Variants in KCTD21 observed in about 807,000 individuals in gnomAD.
KCTD21 encodes potassium channel tetramerization domain containing 21.
KCTD21 carries 9 observed loss-of-function variants against 13.2 expected under a neutral mutation model. The observed-to-expected ratio is 0.68, with a 90% CI of 0.41 to 1.19. KCTD21 has a LOEUF of 1.19. Ranked by LOEUF, KCTD21 falls within the 50% of genes most tolerant of loss-of-function variation. The probability of loss-of-function intolerance (pLI) is 0.01; values close to 1 mark genes in which losing one functional copy is unlikely to be tolerated. For synonymous variants in KCTD21, 142 were observed against 137.4 expected (o/e 1.03, Z -0.23); for missense variants, 303 against 336.5 (o/e 0.90, Z 0.78).
intron 1 of KCTD21, among the ~76,000 whole-genome samples, chr11:78,177,334 G>T (rs975872556): frequency 6.6e-6 from 1 of 152,228 alleles, no homozygotes; most frequent in African/African-American, 2.4e-5. Context: ...GAGGAGAAAT[G>T]AGTCCATGTG....
At chr11:78,188,548 G>A in intron 1 of KCTD21, 25 bp downstream of exon 1, 3 of 985,410 alleles carry the variant, frequency 3.0e-6, no homozygotes, top group Non-Finnish European at 3.6e-6. Flanking sequence ...CCCGAGCCCC[G>A]CGACCCCGGC....
At chr11:78,187,607 C>A in intron 1 of KCTD21, 1 of 985,432 alleles carries the variant, frequency 1.0e-6, no homozygotes, top group South Asian at 4.7e-5. Context: ...TTTCCTCCGG[C>A]ACCAGCACCC....
At chr11:78,187,374 T>C (rs1245157123) in intron 1 of KCTD21, 13 of 984,968 alleles carry the variant, frequency 1.3e-5, no homozygotes, top group Non-Finnish European at 1.6e-5. Flanking sequence ...TCACAACCCA[T>C]AGGGAGGAGA....
chr11:78,187,485 G>A (rs1407348765), intron 1 of KCTD21: 13 of 985,228 alleles, frequency 1.3e-5, no homozygotes, highest in East Asian at 2.3e-4. Context: ...AATCTGGCAC[G>A]GCAAGGTATT....
At chr11:78,180,453 G>A (rs1324152006) in intron 1 of KCTD21, among the ~76,000 whole-genome samples, 2 of 152,228 alleles carry the variant, frequency 1.3e-5, no homozygotes, top group African/African-American at 4.8e-5. Context: ...TTGAGGCCAG[G>A]AGTTCAAGAA....
intron 1 of KCTD21, 82 bp downstream of exon 1, chr11:78,188,491 A>G (rs1264331818): frequency 3.0e-6 from 3 of 984,780 alleles, no homozygotes; most frequent in Non-Finnish European, 3.6e-6. Context: ...GATTAGTCTC[A>G]TGGTAAGACA....
intron 1 of KCTD21, among the ~76,000 whole-genome samples, chr11:78,182,437 A>G (rs1862656237): frequency 6.6e-6 from 1 of 152,214 alleles, no homozygotes; most frequent in Admixed American, 6.5e-5. Context: ...GTATTTGAAT[A>G]AGACATCTTA....
intron 1 of KCTD21, among the ~76,000 whole-genome samples, chr11:78,186,391 A>G (rs972749335): frequency 2.8e-5 from 4 of 143,720 alleles, no homozygotes; most frequent in Non-Finnish European, 4.6e-5. Context: ...AAAAAAAAAA[A>G]AAAAAAAAAA....
chr11:78,187,484 C>A (rs1862819835), intron 1 of KCTD21: 13 of 985,274 alleles, frequency 1.3e-5, no homozygotes, highest in Non-Finnish European at 1.4e-5. Context: ...GAATCTGGCA[C>A]GGCAAGGTAT....
At chr11:78,174,617 C>T (rs1307067493) in intron 1 of KCTD21, 34 bp from the exon 2 acceptor site, 1 of 1,453,872 alleles carries the variant, frequency 6.9e-7, no homozygotes, top group Non-Finnish European at 9.3e-7. Context: ...ATGACTATAA[C>T]CAAACCTTAT....
At position 78,187,803 on chromosome 11, in the gene KCTD21, T is replaced by C. The variant is rs147733975; in HGVS notation, c.-30+770A>G. On this transcript the variant is annotated intron_variant, in intron 1 of 1. Coordinates refer to ENST00000340067, the MANE Select transcript of KCTD21 (RefSeq NM_001029859.3). ...GAAGGTCGGGGCATCAAAACTTTTC[T>C]TTCCTGCCTCCCACGCCAAGCTAAA... 503 of 985,438 alleles carry C rather than the reference T, an allele frequency of 5.1e-4. 2 individuals carry two copies. The African/African-American group carries it at 8.2e-3, about 16-fold the overall frequency. The allele number at this position is 985,438 out of a possible 1,614,324, so 61.0% of individuals were successfully genotyped here.
chr11:78,180,408 C>T (rs1862579964), intron 1 of KCTD21, among the ~76,000 whole-genome samples: 2 of 152,226 alleles, frequency 1.3e-5, no homozygotes, highest in African/African-American at 4.8e-5. Context: ...TGCCTGTAAT[C>T]CCAGCACTTT....
Position 78,174,621 on chromosome 11 carries a change from A to G in KCTD21, c.-29-38T>C, listed in dbSNP as rs866898367. ...AGAAGTGAGAAATGACTATAACCAA[A>G]CCTTATCAGAGAACTCACAGTCCTT... is the stretch of plus-strand genomic sequence containing the variant. On this transcript the variant is annotated intron_variant, in intron 1 of 1. Transcript: ENST00000340067. 2.2e-5 allele frequency: 31 copies of G among 1,417,304 alleles called. No homozygotes were observed. The Middle Eastern group carries it at 1.3e-3, about 62-fold the overall frequency. The allele number at this position is 1,417,304 out of a possible 1,614,324, so 87.8% of individuals were successfully genotyped here. A position where few individuals can be genotyped will look rare whatever the true frequency, so the allele number is the denominator to read the frequency against.
intron 1 of KCTD21, chr11:78,177,133 C>A (rs1048736806): frequency 6.6e-6 from 1 of 152,346 alleles, no homozygotes; most frequent in African/African-American, 2.4e-5. Context: ...CTCAACATTT[C>A]TGCCTCCTGA....
chr11:78,172,419 T>A lies in KCTD21; in HGVS notation c.*1353A>T, dbSNP rs1299286390. Reference sequence around the variant, plus strand: ...TCTGGATCTCCTCAGGGGCCGTGAATCTTCCTCTTCCAGCAGAAAATGGTC... The same window carrying A: ...TCTGGATCTCCTCAGGGGCCGTGAAACTTCCTCTTCCAGCAGAAAATGGTC... On this transcript the variant is annotated 3_prime_UTR_variant, in exon 2 of 2. Transcript: ENST00000340067. The A allele has an allele frequency of 6.6e-6, 1 of 152,204 alleles. No homozygotes were observed. The highest frequency in any genetic ancestry group is 1.5e-5 in the Non-Finnish European group (1 of 68,086). The allele number at this position is 152,204 out of a possible 1,614,324, so 9.4% of individuals were successfully genotyped here.
In KCTD21 at chr11:78,186,371, C is replaced by CAAAAAAAAAAAAAA. The variant is rs57748403; in HGVS notation, c.-30+2188_-30+2201dup. Reference sequence around the variant, plus strand: ...TGGGCAACAGAGTAAGACCCTGTCTCAAAAAAAAAAAAAAAAAAAAAAAAA... The same window carrying CAAAAAAAAAAAAAA: ...TGGGCAACAGAGTAAGACCCTGTCTCAAAAAAAAAAAAAAAAAAAAAAAAAAAAAAAAAAAAAAA... On this transcript the variant is annotated intron_variant, in intron 1 of 1. Coordinates refer to ENST00000340067, the MANE Select transcript of KCTD21 (RefSeq NM_001029859.3). Among the ~76,000 whole-genome samples, 11 of 45,810 alleles carry CAAAAAAAAAAAAAA rather than the reference C, an allele frequency of 2.4e-4. 1 individual carries two copies. The highest frequency in any genetic ancestry group is 5.1e-4 in the African/African-American group (6 of 11,678). The allele number at this position is 45,810 out of a possible 152,430, so 30.1% of individuals were successfully genotyped here.
intron 1 of KCTD21, among the ~76,000 whole-genome samples, chr11:78,185,708 C>T (rs1307268363): frequency 6.6e-6 from 1 of 152,088 alleles, no homozygotes; most frequent in African/African-American, 2.4e-5. Flanking sequence ...TCTCCTGCCT[C>T]AGCCTCCTGA....
intron 1 of KCTD21, among the ~76,000 whole-genome samples, chr11:78,184,419 C>G (rs954270409): frequency 3.9e-5 from 6 of 152,072 alleles, no homozygotes; most frequent in Non-Finnish European, 7.4e-5. Context: ...TCACTGCAAC[C>G]TCCACCTCCT....
chr11:78,182,710 C>CA (rs1201115606), intron 1 of KCTD21, among the ~76,000 whole-genome samples: 1 of 152,150 alleles, frequency 6.6e-6, no homozygotes, highest in African/African-American at 2.4e-5. Context: ...TTCTTGACCT[C>CA]AGAGTCATGG....
Sources: gnomAD v4.1 joint callset for allele counts (sites outside exome capture counted in the v4.1 genomes callset) on GRCh38, gnomAD v4.1.1 for gene constraint, MANE v1.5 for transcripts, NCBI Gene and HGNC (gene_info 2026-07-23, HGNC 2026-07-21) for gene names.